CAMKMT: variants seen among roughly 807,000 people sequenced by gnomAD.
CAMKMT encodes calmodulin-lysine N-methyltransferase.
In CAMKMT, 53 loss-of-function variants were observed where a neutral mutation model predicts 48.0. The ratio of observed to expected loss-of-function variants is 1.10; its 90% confidence interval spans 0.89 to 1.39. CAMKMT has a LOEUF of 1.39. Among genes scored for constraint, CAMKMT ranks in the 40% most tolerant of loss-of-function variants. CAMKMT has a pLI of 0.00. For synonymous variants in CAMKMT, 165 were observed against 152.3 expected (o/e 1.08, Z -0.61); for missense variants, 428 against 402.7 (o/e 1.06, Z -0.54).
chr2:44,663,451 C>T (rs1297512288), intron 3 of CAMKMT, among the ~76,000 whole-genome samples: 2 of 152,210 alleles, frequency 1.3e-5, no homozygotes, highest in Admixed American at 6.5e-5. Flanking sequence ...CTTTGAGCTT[C>T]CCCTTCTGTG....
rs1674451264 is a variant in CAMKMT, at chr2:44,657,695, C to T, written c.377-46588C>T. On this transcript the variant is annotated intron_variant, in intron 3 of 10. Coordinates refer to ENST00000378494, the MANE Select transcript of CAMKMT (RefSeq NM_024766.5). The surrounding 1 kb of genome is among the most constrained non-coding windows in gnomAD (Gnocchi z 4.3). Reference sequence around the variant, plus strand: ...AGGCATTCTGTTGTTCAAAATACATCTTTGCCAGGTACATGCTTACTACTT... The same window carrying T: ...AGGCATTCTGTTGTTCAAAATACATTTTTGCCAGGTACATGCTTACTACTT... Among the ~76,000 whole-genome samples, 1 of 152,154 alleles carries T rather than the reference C, an allele frequency of 6.6e-6. No homozygotes were observed. Among genetic ancestry groups the T allele is most frequent in the South Asian group, 2.1e-4 (1 of 4,822 alleles).
chr2:44,606,184 C>T (rs1202366693), intron 3 of CAMKMT, among the ~76,000 whole-genome samples: 1 of 152,102 alleles, frequency 6.6e-6, no homozygotes, highest in African/African-American at 2.4e-5. Context: ...CTAAAATAGC[C>T]ACTAAAGTAT....
At chr2:44,437,984 A>G (rs879832992) in intron 3 of CAMKMT, among the ~76,000 whole-genome samples, 2 of 152,254 alleles carry the variant, frequency 1.3e-5, no homozygotes, top group Non-Finnish European at 1.5e-5. Flanking sequence ...TGGTTTTTTA[A>G]TAAAGTAAAA....
intron 7 of CAMKMT, among the ~76,000 whole-genome samples, chr2:44,741,034 G>C (rs1000275585): frequency 6.6e-6 from 1 of 152,200 alleles, no homozygotes; most frequent in African/African-American, 2.4e-5. Context: ...TCTGTGAACT[G>C]TGTGTTACTG....
intron 3 of CAMKMT, among the ~76,000 whole-genome samples, chr2:44,428,877 A>G (rs1684454083): frequency 6.6e-6 from 1 of 152,210 alleles, no homozygotes; most frequent in Non-Finnish European, 1.5e-5. Flanking sequence ...CACGGGCAGA[A>G]GGCATTTGTT....
rs558242991 is a variant in CAMKMT, at chr2:44,703,503, G to A, written c.377-780G>A. Among the ~76,000 whole-genome samples, 33 of 152,276 alleles carry A rather than the reference G, an allele frequency of 2.2e-4. No homozygotes were observed. The South Asian group carries it at 6.4e-3, about 30-fold the overall frequency. On this transcript the variant is annotated intron_variant, in intron 3 of 10. Transcript: ENST00000378494. The stretch of plus-strand genomic sequence containing the variant: ...CTGAAGAAAGACATAATTGTGGCCA[G>A]GCACAGTAGCTCACACTTGTAATCC...
At chr2:44,600,795 A>G (rs115469405) in intron 3 of CAMKMT, among the ~76,000 whole-genome samples, 5,728 of 152,168 alleles carry the variant, frequency 0.038, 409 homozygotes, top group African/African-American at 0.13. Context: ...AGAGAGTTTT[A>G]TGGTGACTTT....
At chr2:44,408,094 C>T (rs575231573) in intron 3 of CAMKMT, among the ~76,000 whole-genome samples, 5 of 146,428 alleles carry the variant, frequency 3.4e-5, no homozygotes, top group East Asian at 2.0e-4. Flanking sequence ...GACGTGATCT[C>T]GGCTCACTGC....
At chr2:44,749,383 A>G (rs1195235936) in intron 8 of CAMKMT, among the ~76,000 whole-genome samples, 1 of 152,194 alleles carries the variant, frequency 6.6e-6, no homozygotes, top group African/African-American at 2.4e-5. Context: ...CTAACACCCT[A>G]CATAAGCTCC....
intron 3 of CAMKMT, among the ~76,000 whole-genome samples, chr2:44,520,438 A>G (rs768681976): frequency 2.4e-4 from 37 of 152,078 alleles, no homozygotes; most frequent in Non-Finnish European, 4.6e-4. Flanking sequence ...TTAAATTACT[A>G]TGCAATACTT....
At chr2:44,453,285 A>C (rs918034869) in intron 3 of CAMKMT, among the ~76,000 whole-genome samples, 3 of 152,092 alleles carry the variant, frequency 2.0e-5, no homozygotes, top group African/African-American at 4.8e-5. Context: ...TTTACCTGCT[A>C]TTAATGTTTG....
At chr2:44,714,580 C>T (rs182273520) in intron 6 of CAMKMT, among the ~76,000 whole-genome samples, 52 of 152,290 alleles carry the variant, frequency 3.4e-4, no homozygotes, top group Non-Finnish European at 4.4e-4. Flanking sequence ...CATCCTGCTG[C>T]TCCTCTCCAC....
intron 7 of CAMKMT, among the ~76,000 whole-genome samples, chr2:44,722,176 C>CTTT (rs11323950): frequency 2.6e-5 from 3 of 115,458 alleles, no homozygotes; most frequent in Admixed American, 8.9e-5. Context: ...TTTCTTTTTT[C>CTTT]TTTTTTTTTT....
chr2:44,667,829 C>T (rs991997367), intron 3 of CAMKMT, among the ~76,000 whole-genome samples: 5 of 152,186 alleles, frequency 3.3e-5, no homozygotes, highest in African/African-American at 7.2e-5. Context: ...ACTCCAACAC[C>T]GTTTACGTTT....
intron 3 of CAMKMT, among the ~76,000 whole-genome samples, chr2:44,497,720 A>T (rs1433937186): frequency 6.6e-6 from 1 of 151,504 alleles, no homozygotes; most frequent in Non-Finnish European, 1.5e-5. Context: ...AGAGAGAGAG[A>T]GAGAGAGAGA....
At chr2:44,505,345 C>CT (rs1670206459) in intron 3 of CAMKMT, among the ~76,000 whole-genome samples, 1 of 152,172 alleles carries the variant, frequency 6.6e-6, no homozygotes, top group East Asian at 1.9e-4. Flanking sequence ...TGCAGCTACT[C>CT]TTTTCATCTG....
At position 44,667,781 on chromosome 2, in the gene CAMKMT, G is replaced by A. The variant is rs138321998; in HGVS notation, c.377-36502G>A. ...TCTTTTTCTACAGCTCAGGTACTGT[G>A]ATAGCTCCACTCCAACAGTGTTTCA... On this transcript the variant is annotated intron_variant, in intron 3 of 10. Coordinates refer to ENST00000378494, the MANE Select transcript of CAMKMT (RefSeq NM_024766.5). 1.4e-4 allele frequency among the ~76,000 whole-genome samples: 22 copies of A among 152,222 alleles called. No homozygotes were observed. In the East Asian group the frequency reaches 4.2e-3, roughly 29 times the overall value.
At chr2:44,495,755 G>A (rs1669724009) in intron 3 of CAMKMT, among the ~76,000 whole-genome samples, 1 of 152,126 alleles carries the variant, frequency 6.6e-6, no homozygotes, top group Admixed American at 6.6e-5. Flanking sequence ...CTGTCACAGT[G>A]TAGTTCCAGC....
chr2:44,414,203 A>G (rs1295819948), intron 3 of CAMKMT, among the ~76,000 whole-genome samples: 2 of 152,210 alleles, frequency 1.3e-5, no homozygotes, highest in Non-Finnish European at 2.9e-5. Flanking sequence ...GAAAGAAAAT[A>G]TTATCTCCAT....
Sources: allele counts gnomAD v4.1 joint callset (sites outside exome capture counted in the v4.1 genomes callset), GRCh38; gene constraint gnomAD v4.1.1; non-coding constraint Gnocchi (gnomAD v3.1); transcripts MANE v1.5; gene names NCBI Gene and HGNC (gene_info 2026-07-23, HGNC 2026-07-21).